SLC9C2: variants seen among roughly 807,000 people sequenced by gnomAD.
SLC9C2 encodes the protein solute carrier family 9 member C2 (putative).
A neutral mutation model predicts 140.2 loss-of-function variants in SLC9C2; 75 were observed. The observed-to-expected ratio is 0.53, with a 90% CI of 0.44 to 0.65. The LOEUF is 0.65. Ranked by LOEUF, SLC9C2 falls within the 30% of genes least tolerant of loss-of-function variation. The pLI is 0.00. For missense variants in SLC9C2, 1,074 were observed against 1,331.8 expected (o/e 0.81, Z 3.01); for synonymous variants, 375 against 420.9 (o/e 0.89, Z 1.34).
In SLC9C2 at chr1:173,597,964, T is replaced by C. The variant is rs1666536551; in HGVS notation, c.297A>G (p.Leu99=). The change falls in exon 4 of 28, where the codon TTA becomes TTG. Residue 99 remains leucine (L), a synonymous_variant. Coordinates refer to ENST00000367714, the MANE Select transcript of SLC9C2 (RefSeq NM_178527.4). The part of the protein sequence containing the change: ...SFSLYSYFSP[L]IIFMVALDVE... ...CATCCAAAGCAACCATAAATATAATTAAAGGTGAAAAGTAAGAATAAAGTG... is the reference window on the plus strand; with the variant it reads ...CATCCAAAGCAACCATAAATATAATCAAAGGTGAAAAGTAAGAATAAAGTG... The C allele has an allele frequency of 6.3e-7, 1 of 1,598,828 alleles. No homozygotes were observed.
intron 13 of SLC9C2, among the ~76,000 whole-genome samples, chr1:173,539,614 A>G (rs1662226394): frequency 1.3e-5 from 2 of 152,196 alleles, no homozygotes; most frequent in African/African-American, 4.8e-5. Context: ...ACAGATTTGT[A>G]GAGCATCTAT....
chr1:173,543,219 C>CAA (rs1477712511), intron 13 of SLC9C2, among the ~76,000 whole-genome samples: 1 of 151,326 alleles, frequency 6.6e-6, no homozygotes, highest in East Asian at 1.9e-4. Context: ...TAATAACAGA[C>CAA]AGAGAGCCAA....
At chr1:173,518,724 C>T (rs1240475217) in intron 22 of SLC9C2, among the ~76,000 whole-genome samples, 1 of 152,178 alleles carries the variant, frequency 6.6e-6, no homozygotes, top group African/African-American at 2.4e-5. Context: ...AGGTCATTCT[C>T]TCCCAGCAAT....
intron 23 of SLC9C2, among the ~76,000 whole-genome samples, chr1:173,513,603 G>A (rs977501512): frequency 5.3e-5 from 8 of 151,898 alleles, no homozygotes; most frequent in Non-Finnish European, 1.0e-4. Context: ...AAAAAAATCA[G>A]CTCCCGGATT....
chr1:173,582,594 T>C (rs1367220770), intron 6 of SLC9C2, among the ~76,000 whole-genome samples: 1 of 152,182 alleles, frequency 6.6e-6, no homozygotes, highest in African/African-American at 2.4e-5. Flanking sequence ...CCCTCTTTAT[T>C]CATTAATATT....
rs1289312983 is a variant in SLC9C2 at position 173,521,311 on chromosome 1, C to G, written c.2729G>C (p.Gly910Ala). Residue 910 changes from glycine (G) to alanine (A), a missense_variant, in exon 22 of 28, where the codon GGA becomes GCA. Gly to Ala is a moderately conservative substitution (Grantham distance 60). Transcript: ENST00000367714. The stretch of plus-strand genomic sequence containing the variant: ...TCAATAGTCCCTTACAATTGCCATT[C>G]CTGAAATAATTAAGTAGATTCCTTG... Reference protein sequence around the residue: ...MPQGIYLIISGMAILHSLSPT... With the variant: ...MPQGIYLIISAMAILHSLSPT... 1 of 1,522,450 alleles carries G rather than the reference C, an allele frequency of 6.6e-7. No individual in the cohort carries two copies. Among genetic ancestry groups the G allele is most frequent in the Admixed American group, 2.4e-5 (1 of 42,174 alleles). 94.3% of individuals were successfully genotyped at this position (1,522,450 alleles called of 1,614,324 possible). A position where few individuals can be genotyped will look rare whatever the true frequency, so the allele number is the denominator to read the frequency against.
chr1:173,500,865 T>G lies in SLC9C2; in HGVS notation c.*229A>C. 1 of 335,444 alleles carries G rather than the reference T, an allele frequency of 3.0e-6. No homozygotes were observed. Among genetic ancestry groups the G allele is most frequent in the Non-Finnish European group, 5.3e-6 (1 of 190,142 alleles). The allele number at this position is 335,444 out of a possible 1,614,324, so 20.8% of individuals were successfully genotyped here. On this transcript the variant is annotated 3_prime_UTR_variant, in exon 28 of 28. Coordinates refer to ENST00000367714, the MANE Select transcript of SLC9C2 (RefSeq NM_178527.4). ...TGTATTTTATATTATCCTGAAGACT[T>G]TTTTAACATCCCAAATATAATGCAA...
chr1:173,516,467 C>T lies in SLC9C2; in HGVS notation c.2907+1070G>A, dbSNP rs567320360. Among the ~76,000 whole-genome samples the T allele has an allele frequency of 1.5e-3, 222 of 152,198 alleles. 2 individuals carry two copies. The highest frequency in any genetic ancestry group is 5.1e-3 in the African/African-American group (213 of 41,524). ...TTCCTGATTCTCTCCCTCCTTCCAC[C>T]CTCCACCCTCCAATAGGCCCCAGTG... On this transcript the variant is annotated intron_variant, in intron 23 of 27. Transcript: ENST00000367714.
chr1:173,566,801 T>A (rs1664502502), intron 9 of SLC9C2, among the ~76,000 whole-genome samples: 1 of 151,660 alleles, frequency 6.6e-6, no homozygotes, highest in East Asian at 1.9e-4. Flanking sequence ...TTTTCTTTTT[T>A]GATGTAGGCA....
chr1:173,590,500 C>T (rs1666098542), intron 4 of SLC9C2, among the ~76,000 whole-genome samples: 1 of 152,084 alleles, frequency 6.6e-6, no homozygotes, highest in Admixed American at 6.5e-5. Context: ...CCTATATATA[C>T]TATGGTTTTT....
At chr1:173,593,845 T>A (rs1166358950) in intron 4 of SLC9C2, among the ~76,000 whole-genome samples, 1 of 152,114 alleles carries the variant, frequency 6.6e-6, no homozygotes, top group East Asian at 1.9e-4. Flanking sequence ...AATATATATG[T>A]ACCCAACACA....
intron 22 of SLC9C2, among the ~76,000 whole-genome samples, chr1:173,518,670 A>G (rs1184034321): frequency 6.6e-6 from 1 of 152,198 alleles, no homozygotes; most frequent in Non-Finnish European, 1.5e-5. Flanking sequence ...TGTAAACATC[A>G]AAGAGGAAGG....
At chr1:173,587,328 C>A (rs1665908930) in intron 5 of SLC9C2, among the ~76,000 whole-genome samples, 1 of 152,126 alleles carries the variant, frequency 6.6e-6, no homozygotes, top group Non-Finnish European at 1.5e-5. Flanking sequence ...GGTAAACAAA[C>A]TCACCAACTT....
rs531304201 is a variant in SLC9C2 at position 173,574,872 on chromosome 1, AT to A, written c.903-1548del. ...AATGGCTCATGCATGTAATCACAACATTTTGGGAGGCTGAGGAGGATAGATT... is the reference window on the plus strand; with the variant it reads ...AATGGCTCATGCATGTAATCACAACATTTGGGAGGCTGAGGAGGATAGATT... On this transcript the variant is annotated intron_variant, in intron 8 of 27. Transcript: ENST00000367714. Among the ~76,000 whole-genome samples the A allele has an allele frequency of 3.9e-5, 6 of 152,210 alleles. No individual in the cohort carries two copies. The South Asian group carries it at 1.2e-3, about 32-fold the overall frequency.
intron 17 of SLC9C2, among the ~76,000 whole-genome samples, chr1:173,532,285 T>C (rs977680212): frequency 3.3e-5 from 5 of 152,142 alleles, no homozygotes; most frequent in Non-Finnish European, 7.4e-5. Context: ...CTAACTTCAA[T>C]AAATACTAAT....
intron 21 of SLC9C2, among the ~76,000 whole-genome samples, chr1:173,522,513 A>G (rs1466819934): frequency 2.0e-5 from 3 of 152,236 alleles, no homozygotes; most frequent in African/African-American, 4.8e-5. Flanking sequence ...TGCATCTACA[A>G]TACTTTTAGA....
chr1:173,561,091 C>T (rs989762868), intron 9 of SLC9C2, among the ~76,000 whole-genome samples: 11 of 152,290 alleles, frequency 7.2e-5, no homozygotes, highest in South Asian at 2.1e-4. Context: ...CCACCGTGCC[C>T]GGCCCCATAC....
At chr1:173,537,096 T>A in intron 13 of SLC9C2, 57 bp from the exon 14 acceptor site, 1 of 1,371,362 alleles carries the variant, frequency 7.3e-7, no homozygotes, top group Non-Finnish European at 1.0e-6. Flanking sequence ...GAATGTATTC[T>A]TCTTAACCCT....
intron 11 of SLC9C2, 69 bp downstream of exon 11, chr1:173,554,664 A>T: frequency 1.0e-6 from 1 of 971,126 alleles, no homozygotes; most frequent in Non-Finnish European, 1.6e-6. Context: ...AAATGTCCCC[A>T]TGACACCCAA....
Sources: allele counts gnomAD v4.1 joint callset (sites outside exome capture counted in the v4.1 genomes callset), GRCh38; gene constraint gnomAD v4.1.1; transcripts MANE v1.5; gene names NCBI Gene and HGNC (gene_info 2026-07-23, HGNC 2026-07-21).